OR2C1: variants seen among roughly 807,000 people sequenced by gnomAD.
OR2C1 encodes the protein olfactory receptor family 2 subfamily C member 1, also known as olfactory receptor 2C1.
For synonymous variants in OR2C1, 209 were observed against 167.3 expected (o/e 1.25, Z -1.92); for missense variants, 468 against 388.3 (o/e 1.21, Z -1.73).
chr16:3,344,899 C>T, the OR2C1 span, among the ~76,000 whole-genome samples: 5 of 151,976 alleles, frequency 3.3e-5, no homozygotes, highest in African/African-American at 1.2e-4. Flanking sequence ...CCGTTATGGA[C>T]TCCCCTTTAT....
the OR2C1 span, among the ~76,000 whole-genome samples, chr16:3,338,452 G>T: frequency 4.0e-5 from 6 of 151,722 alleles, no homozygotes; most frequent in Non-Finnish European, 7.4e-5. Flanking sequence ...TGGGCAGATT[G>T]GGGGAAAGGG....
chr16:3,335,520 CTTTTTTTTTTTTT>C, the OR2C1 span, among the ~76,000 whole-genome samples: 114 of 55,452 alleles, frequency 2.1e-3, no homozygotes, highest in African/African-American at 8.1e-3. Context: ...AATGCTACTG[CTTTTTTTTTTTTT>C]TTTTTTTTTT....
At chr16:3,353,229 C>T (rs979554211), upstream of OR2C1, among the ~76,000 whole-genome samples, 5 of 151,664 alleles carry the variant, frequency 3.3e-5, no homozygotes, top group East Asian at 4.0e-4. Context: ...CGGTGGCTCA[C>T]GCCTGTAATC....
the OR2C1 span, among the ~76,000 whole-genome samples, chr16:3,337,587 T>G: frequency 6.6e-6 from 1 of 152,014 alleles, no homozygotes; most frequent in African/African-American, 2.4e-5. Flanking sequence ...GATTCCTGTT[T>G]GATTTTTTTT....
chr16:3,345,320 TAA>T, the OR2C1 span, among the ~76,000 whole-genome samples: 1 of 151,338 alleles, frequency 6.6e-6, no homozygotes, highest in Non-Finnish European at 1.5e-5. Flanking sequence ...CCGTCTCTAC[TAA>T]AAAAATACAA....
the OR2C1 span, among the ~76,000 whole-genome samples, chr16:3,347,466 CTTTTT>C: frequency 7.6e-5 from 11 of 144,344 alleles, no homozygotes; most frequent in Non-Finnish European, 1.4e-4. Flanking sequence ...AACACACATA[CTTTTT>C]TTTTTTTTGA....
At chr16:3,323,384 C>G in the OR2C1 span, 4 of 888,684 alleles carry the variant, frequency 4.5e-6, no homozygotes, top group East Asian at 4.8e-5. Flanking sequence ...GCAAATGACA[C>G]CAAACTTCCC....
chr16:3,348,709 A>G, the OR2C1 span, among the ~76,000 whole-genome samples: 1 of 152,186 alleles, frequency 6.6e-6, no homozygotes, highest in East Asian at 1.9e-4. Context: ...AGTGTCTTGA[A>G]TGAATGTGGT....
the OR2C1 span, among the ~76,000 whole-genome samples, chr16:3,345,842 TCCTC>T: frequency 1.7e-5 from 2 of 117,172 alleles, no homozygotes; most frequent in South Asian, 3.2e-4. Context: ...CCTCCTTCCT[TCCTC>T]CCTCCCTCCC....
the OR2C1 span, among the ~76,000 whole-genome samples, chr16:3,328,848 C>A: frequency 6.6e-6 from 1 of 152,300 alleles, no homozygotes; most frequent in African/African-American, 2.4e-5. Flanking sequence ...GCCCCACGCC[C>A]TGTCTAAACT....
chr16:3,344,108 C>G, the OR2C1 span, among the ~76,000 whole-genome samples: 1 of 152,000 alleles, frequency 6.6e-6, no homozygotes, highest in Admixed American at 6.6e-5. Context: ...GTAATTCCAG[C>G]TACTTGGTAG....
the OR2C1 span, among the ~76,000 whole-genome samples, chr16:3,329,119 A>T: frequency 2.1e-4 from 31 of 149,714 alleles, no homozygotes; most frequent in Non-Finnish European, 2.5e-4. Context: ...AAGCAGAAAG[A>T]TCAGAAAGAG....
rs1567286318 is a variant in OR2C1 at position 3,355,946 on chromosome 16, C to CG, written c.10dup (p.Val4GlyfsTer3). The CG allele has an allele frequency of 2.5e-6, 4 of 1,600,788 alleles. No individual in the cohort carries two copies. Among genetic ancestry groups the CG allele is most frequent in the Non-Finnish European group, 3.4e-6 (4 of 1,172,188 alleles). On this transcript the variant is annotated frameshift_variant, in exon 1 of 1. Coordinates refer to ENST00000304936, the MANE Select transcript of OR2C1 (RefSeq NM_012368.3). LOFTEE classifies it low-confidence loss of function (END_TRUNC). ...GTGACTGAAGACAACCAGTGATGGA[C>CG]GGGGTGAATGATAGCTCCTTGCAGG...
At chr16:3,337,810 A>T in the OR2C1 span, among the ~76,000 whole-genome samples, 962 of 151,856 alleles carry the variant, frequency 6.3e-3, 7 homozygotes, top group Non-Finnish European at 9.1e-3. Context: ...ATTCTTGTGG[A>T]TGTCTGTCTG....
At chr16:3,336,729 A>G in the OR2C1 span, among the ~76,000 whole-genome samples, 2 of 52,932 alleles carry the variant, frequency 3.8e-5, no homozygotes, top group African/African-American at 7.9e-5. Flanking sequence ...TTTTTTTGAG[A>G]CAGAGTTTCG....
At chr16:3,332,689 T>C in the OR2C1 span, among the ~76,000 whole-genome samples, 3 of 149,820 alleles carry the variant, frequency 2.0e-5, no homozygotes, top group African/African-American at 7.4e-5. Flanking sequence ...ATTTGTGTTC[T>C]TTTTTATGGC....
the OR2C1 span, among the ~76,000 whole-genome samples, chr16:3,334,503 C>G: frequency 1.4e-5 from 2 of 147,602 alleles, no homozygotes; most frequent in African/African-American, 5.0e-5. Context: ...GTCTCGAACT[C>G]CTGGACTCAA....
In OR2C1 at chr16:3,356,167, G is replaced by A. The variant is rs552027072; in HGVS notation, c.227G>A (p.Ser76Asn). The A allele has an allele frequency of 6.2e-7, 1 of 1,614,142 alleles. No homozygotes were observed. Among genetic ancestry groups the A allele is most frequent in the Admixed American group, 1.7e-5 (1 of 60,020 alleles). ...LSSLDLAFAT[S>N]SVPQMLINLW... ...TCCTTGGACCTTGCTTTCGCTACTA[G>A]TTCAGTCCCCCAAATGCTGATCAAT... Residue 76 changes from serine to asparagine, a missense_variant, in exon 1 of 1, where the codon AGT becomes AAT. Physicochemically the swap from Ser to Asn is conservative, Grantham distance 46. Coordinates refer to ENST00000304936, the MANE Select transcript of OR2C1 (RefSeq NM_012368.3).
chr16:3,341,714 T>C, the OR2C1 span, among the ~76,000 whole-genome samples: 1 of 152,206 alleles, frequency 6.6e-6, no homozygotes, highest in Non-Finnish European at 1.5e-5. Flanking sequence ...GAGTATGAGC[T>C]CTGTCACTGT....
Sources: allele counts gnomAD v4.1 joint callset (sites outside exome capture counted in the v4.1 genomes callset), GRCh38; gene constraint gnomAD v4.1.1; transcripts MANE v1.5; gene names NCBI Gene and HGNC (gene_info 2026-07-23, HGNC 2026-07-21).